Variants in NUDC observed in about 807,000 individuals in gnomAD.
NUDC encodes the protein nuclear migration protein nudC.
Under a neutral mutation model 45.0 loss-of-function variants are expected in NUDC, and 14 were observed. The ratio of observed to expected loss-of-function variants is 0.31; its 90% confidence interval spans 0.21 to 0.49. The LOEUF (loss-of-function observed/expected upper bound fraction) is 0.49. Among genes scored for constraint, NUDC ranks in the 20% least tolerant of loss-of-function variants. The pLI is 0.99. For synonymous variants in NUDC, 153 were observed against 156.7 expected, an observed-to-expected ratio of 0.98 and a Z score of 0.17; for missense variants, 323 against 426.2, an observed-to-expected ratio of 0.76 and a Z score of 2.13.
chr1:26,912,328 A>G (rs774498054), intron 3 of NUDC, among the ~76,000 whole-genome samples: 4 of 152,150 alleles, frequency 2.6e-5, no homozygotes, highest in Non-Finnish European at 5.9e-5. Flanking sequence ...CTTCCTGGGT[A>G]TGAATCCCAG....
chr1:26,918,246 C>A (rs981190677), upstream of NUDC, among the ~76,000 whole-genome samples: 1 of 148,652 alleles, frequency 6.7e-6, no homozygotes, highest in Non-Finnish European at 1.5e-5. Flanking sequence ...GATCTTGACT[C>A]ACTGCAACCT....
At chr1:26,920,910 G>A (rs927464230), upstream of NUDC, among the ~76,000 whole-genome samples, 1 of 152,180 alleles carries the variant, frequency 6.6e-6, no homozygotes, top group African/African-American at 2.4e-5. Flanking sequence ...CTGCACTCCA[G>A]CTTGGGTGAC....
chr1:26,911,941 G>A lies in NUDC; in HGVS notation c.93+706G>A, dbSNP rs902095341. On this transcript the variant is annotated intron_variant, in intron 3 of 6. Transcript: ENST00000435827. The stretch of plus-strand genomic sequence containing the variant: ...GGTCCCCAAGCAGGCTGGTCGGAAT[G>A]GACTTGAGGGTGGAGGCCGTGAGGA... 3.7e-6 allele frequency: 6 copies of A among 1,614,132 alleles called. No individual in the cohort carries two copies. In the African/African-American group the frequency reaches 6.7e-5, roughly 18 times the overall value.
At chr1:26,916,122 C>A (rs2082060661) in intron 3 of NUDC, among the ~76,000 whole-genome samples, 2 of 151,964 alleles carry the variant, frequency 1.3e-5, no homozygotes, top group South Asian at 2.1e-4. Context: ...TACGGTGGCT[C>A]ACGCCTGTAA....
intron 2 of NUDC, among the ~76,000 whole-genome samples, chr1:26,906,370 C>T (rs1169753318): frequency 6.0e-5 from 9 of 151,252 alleles, no homozygotes; most frequent in East Asian, 1.9e-4. Context: ...GCACAAGAAC[C>T]GCTTGAACCC....
chr1:26,939,615 T>C (rs748269375), intron 2 of NUDC, among the ~76,000 whole-genome samples: 31 of 151,840 alleles, frequency 2.0e-4, no homozygotes, highest in African/African-American at 4.8e-4. Context: ...ATAATAATAA[T>C]AACAAGATAG....
At chr1:26,944,018 C>T (rs1454199583) in intron 6 of NUDC, among the ~76,000 whole-genome samples, 2 of 151,970 alleles carry the variant, frequency 1.3e-5, no homozygotes, top group African/African-American at 4.8e-5. Flanking sequence ...GCTGGGACTA[C>T]AGGCGCCCGC....
At chr1:26,929,973 G>A (rs1427705976) in intron 2 of NUDC, among the ~76,000 whole-genome samples, 3 of 152,188 alleles carry the variant, frequency 2.0e-5, no homozygotes, top group African/African-American at 4.8e-5. Context: ...TCAGTGAGTC[G>A]AGATCGCACC....
chr1:26,933,301 G>A (rs963782604), intron 2 of NUDC, among the ~76,000 whole-genome samples: 38 of 151,932 alleles, frequency 2.5e-4, no homozygotes, highest in African/African-American at 9.2e-4. Context: ...CTTGGTTATT[G>A]TGCATAGTAC....
intron 2 of NUDC, among the ~76,000 whole-genome samples, chr1:26,902,765 A>C (rs996311942): frequency 6.6e-6 from 1 of 151,872 alleles, no homozygotes; most frequent in African/African-American, 2.4e-5. Flanking sequence ...AAAAATTATA[A>C]TGGCTGGGCG....
intron 3 of NUDC, among the ~76,000 whole-genome samples, chr1:26,914,120 G>C (rs1361703507): frequency 6.6e-6 from 1 of 152,178 alleles, no homozygotes; most frequent in Non-Finnish European, 1.5e-5. Context: ...GAAGTGGTGG[G>C]GGAGGGGGCA....
chr1:26,911,788 G>A (rs1557666314), intron 3 of NUDC: 4 of 1,612,292 alleles, frequency 2.5e-6, no homozygotes, highest in Non-Finnish European at 3.4e-6. Context: ...GGGATGGCCA[G>A]GCTGAATCAG....
At chr1:26,932,033 GAGAC>G (rs927022584) in intron 2 of NUDC, among the ~76,000 whole-genome samples, 1 of 141,750 alleles carries the variant, frequency 7.1e-6, no homozygotes, top group Non-Finnish European at 1.5e-5. Context: ...TTATATTTCT[GAGAC>G]AGAGTCTCAC....
chr1:26,929,734 A>G (rs1190199365), intron 2 of NUDC: 2 of 447,762 alleles, frequency 4.5e-6, no homozygotes, highest in African/African-American at 2.0e-5. Context: ...TTAAAAACAT[A>G]ACTGTAGGGC....
In NUDC at chr1:26,943,813, TGAG is replaced by T. The variant is rs1258226814; in HGVS notation, c.741+752_741+754del. ...GGTGGTCTGAAAAGGGCCAAGGGTC[TGAG>T]GAGAACTTCCCAGGGCACATAAGAC... is the stretch of plus-strand genomic sequence containing the variant. On this transcript the variant is annotated intron_variant, in intron 6 of 8. Transcript: ENST00000321265. Among the ~76,000 whole-genome samples, 6 of 152,240 alleles carry T rather than the reference TGAG, an allele frequency of 3.9e-5. No individual in the cohort carries two copies. The East Asian group carries it at 1.2e-3, about 29-fold the overall frequency.
chr1:26,910,572 C>T (rs1023723417), intron 2 of NUDC, among the ~76,000 whole-genome samples: 3 of 152,118 alleles, frequency 2.0e-5, no homozygotes, highest in Non-Finnish European at 4.4e-5. Context: ...TTAACTTGGC[C>T]CCTGTGACAA....
intron 8 of NUDC, 127 bp downstream of exon 8, chr1:26,945,813 G>A: frequency 1.2e-6 from 1 of 822,988 alleles, no homozygotes; most frequent in Non-Finnish European, 2.1e-6. Flanking sequence ...CATGTTTATG[G>A]CTTTATGGCT....
chr1:26,926,681 C>T (rs1291316040), intron 2 of NUDC, among the ~76,000 whole-genome samples: 1 of 152,042 alleles, frequency 6.6e-6, no homozygotes, highest in African/African-American at 2.4e-5. Flanking sequence ...CCCACTGCAA[C>T]TTCTGCCTCC....
chr1:26,933,552 T>C (rs900695803), intron 2 of NUDC, among the ~76,000 whole-genome samples: 1 of 152,064 alleles, frequency 6.6e-6, no homozygotes, highest in Admixed American at 6.6e-5. Flanking sequence ...TAGCTGGGAT[T>C]ACAGGCACCT....
Sources: gnomAD v4.1 joint callset for allele counts (sites outside exome capture counted in the v4.1 genomes callset) on GRCh38, gnomAD v4.1.1 for gene constraint, MANE v1.5 for transcripts, NCBI Gene and HGNC (gene_info 2026-07-23, HGNC 2026-07-21) for gene names.